Variants in SGCZ observed in about 807,000 individuals in gnomAD.
The protein encoded by SGCZ is sarcoglycan zeta.
Under a neutral mutation model 41.3 loss-of-function variants are expected in SGCZ, and 40 were observed. The observed-to-expected ratio is 0.97, with a 90% CI of 0.75 to 1.26. SGCZ has a LOEUF of 1.26. SGCZ is among the 50% of genes most tolerant of loss of function. The pLI, the probability that SGCZ is intolerant of heterozygous loss-of-function variation, is 0.00. For synonymous variants in SGCZ, 206 were observed against 137.5 expected (o/e 1.50, Z -3.49); for missense variants, 552 against 369.8 (o/e 1.49, Z -4.04).
intron 1 of SGCZ, among the ~76,000 whole-genome samples, chr8:14,895,158 A>C (rs1805148521): frequency 1.3e-5 from 2 of 152,198 alleles, no homozygotes; most frequent in South Asian, 4.1e-4. Flanking sequence ...TCGTTTAGTA[A>C]GTTAATAATT....
intron 1 of SGCZ, among the ~76,000 whole-genome samples, chr8:14,767,227 C>G (rs1004282013): frequency 1.6e-4 from 24 of 152,164 alleles, no homozygotes; most frequent in Non-Finnish European, 2.9e-5. Context: ...TTGCAGTAGC[C>G]TACTTTTCCC....
In SGCZ at chr8:14,088,002, C is replaced by A. The variant is rs1801574431; in HGVS notation, c.*2441G>T. On this transcript the variant is annotated 3_prime_UTR_variant, in exon 8 of 8. Coordinates refer to ENST00000382080, the MANE Select transcript of SGCZ (RefSeq NM_139167.4). Reference sequence around the variant, plus strand: ...TTACTTTTGAATTATGTCTATACTTCTCAGAATGCATTTGAATTAAAAATG... The same window carrying A: ...TTACTTTTGAATTATGTCTATACTTATCAGAATGCATTTGAATTAAAAATG... 6.6e-6 allele frequency among the ~76,000 whole-genome samples: 1 copy of A among 151,788 alleles called. No homozygotes were observed. The highest frequency in any genetic ancestry group is 1.5e-5 in the Non-Finnish European group (1 of 67,850).
chr8:14,849,512 T>C (rs1288640944), intron 1 of SGCZ, among the ~76,000 whole-genome samples: 1 of 152,110 alleles, frequency 6.6e-6, no homozygotes, highest in East Asian at 1.9e-4. Context: ...TACAACATGG[T>C]TTGATCTCAA....
chr8:14,483,093 AC>A (rs1801578995), intron 2 of SGCZ, among the ~76,000 whole-genome samples: 1 of 152,076 alleles, frequency 6.6e-6, no homozygotes, highest in African/African-American at 2.4e-5. Context: ...TCTCTTACCC[AC>A]ACTTAAACAT....
intron 1 of SGCZ, among the ~76,000 whole-genome samples, chr8:15,225,612 A>G (rs1414207540): frequency 1.3e-5 from 2 of 152,130 alleles, no homozygotes; most frequent in Non-Finnish European, 2.9e-5. Flanking sequence ...TGTGTTGCGG[A>G]GTGTGGATTA....
intron 2 of SGCZ, among the ~76,000 whole-genome samples, chr8:14,459,423 AT>A (rs10716421): frequency 0.035 from 5,329 of 152,102 alleles, 289 homozygotes; most frequent in African/African-American, 0.12. Context: ...ATAATAAAAA[AT>A]AAAATAAAAA....
At chr8:15,209,938 T>C (rs13269588) in intron 1 of SGCZ, among the ~76,000 whole-genome samples, 118,669 of 152,040 alleles carry the variant, frequency 0.78, 46,819 homozygotes, top group Non-Finnish European at 0.83. Flanking sequence ...AATTATATTT[T>C]AGGAGATGGC....
chr8:15,151,879 A>G (rs1799189366), intron 1 of SGCZ, among the ~76,000 whole-genome samples: 1 of 152,202 alleles, frequency 6.6e-6, no homozygotes. Flanking sequence ...AGAACTCTTG[A>G]TTCTAATAAA....
intron 1 of SGCZ, among the ~76,000 whole-genome samples, chr8:15,110,138 T>C (rs189500124): frequency 2.6e-5 from 4 of 152,304 alleles, no homozygotes; most frequent in Admixed American, 2.0e-4. Flanking sequence ...TTAGTGAGAA[T>C]ATTAAATGGG....
intron 2 of SGCZ, among the ~76,000 whole-genome samples, chr8:14,371,967 A>C (rs1300711942): frequency 6.6e-6 from 1 of 152,136 alleles, no homozygotes; most frequent in African/African-American, 2.4e-5. Context: ...CTGGAGAACT[A>C]GAGAAGAAAA....
At chr8:14,405,302 T>G (rs530310062) in intron 2 of SGCZ, among the ~76,000 whole-genome samples, 1 of 152,340 alleles carries the variant, frequency 6.6e-6, no homozygotes, top group African/African-American at 2.4e-5. Flanking sequence ...GTTATTTTGC[T>G]ATTTAAAGCT....
At chr8:15,227,770 A>T (rs113143954) in intron 1 of SGCZ, among the ~76,000 whole-genome samples, 67 of 152,346 alleles carry the variant, frequency 4.4e-4, no homozygotes, top group South Asian at 8.3e-4. Flanking sequence ...GTACAACTCC[A>T]CAACTCTGAA....
chr8:14,449,436 A>C (rs950942284), intron 2 of SGCZ, among the ~76,000 whole-genome samples: 3 of 152,182 alleles, frequency 2.0e-5, no homozygotes, highest in African/African-American at 7.2e-5. Context: ...GGGTGGGATG[A>C]AAGCATGCCT....
At chr8:14,331,067 A>G (rs958045024) in intron 2 of SGCZ, among the ~76,000 whole-genome samples, 2 of 151,740 alleles carry the variant, frequency 1.3e-5, no homozygotes, top group African/African-American at 2.4e-5. Context: ...ATCTAAAGAT[A>G]TTATTTATTA....
intron 1 of SGCZ, among the ~76,000 whole-genome samples, chr8:15,084,710 C>T (rs781565702): frequency 1.4e-4 from 22 of 152,104 alleles, no homozygotes; most frequent in Non-Finnish European, 4.4e-5. Context: ...CAAGATCATG[C>T]CACTGCCCTC....
Position 14,354,094 on chromosome 8 carries a change from G to A in SGCZ, c.235-29890C>T, listed in dbSNP as rs111571109. Among the ~76,000 whole-genome samples the A allele has an allele frequency of 2.6e-4, 40 of 151,952 alleles. 2 individuals are homozygous for A. Among genetic ancestry groups the A allele is most frequent in the East Asian group, 7.7e-4 (4 of 5,162 alleles). On this transcript the variant is annotated intron_variant, in intron 2 of 7. Coordinates refer to ENST00000382080, the MANE Select transcript of SGCZ (RefSeq NM_139167.4). ...ATTCCACTAAGTATCTTTGTTTTTC[G>A]GGAAAGGAGTGTTCTACATCTGCTT... is the stretch of plus-strand genomic sequence containing the variant.
intron 1 of SGCZ, among the ~76,000 whole-genome samples, chr8:14,605,832 A>G (rs1455858312): frequency 2.0e-5 from 3 of 152,224 alleles, no homozygotes; most frequent in African/African-American, 7.2e-5. Context: ...TAGCAAATAA[A>G]AAGGAATAAC....
intron 1 of SGCZ, among the ~76,000 whole-genome samples, chr8:14,938,529 G>A (rs1052560336): frequency 1.3e-5 from 2 of 151,878 alleles, no homozygotes; most frequent in Non-Finnish European, 2.9e-5. Context: ...TTTATTATAA[G>A]AACACAGTAT....
intron 1 of SGCZ, among the ~76,000 whole-genome samples, chr8:15,127,785 C>G (rs918146202): frequency 6.6e-6 from 1 of 152,034 alleles, no homozygotes; most frequent in East Asian, 1.9e-4. Context: ...TTAATGTTAT[C>G]AACACAAAAT....
Sources: gnomAD v4.1 joint callset for allele counts (sites outside exome capture counted in the v4.1 genomes callset) on GRCh38, gnomAD v4.1.1 for gene constraint, MANE v1.5 for transcripts, NCBI Gene and HGNC (gene_info 2026-07-23, HGNC 2026-07-21) for gene names.